The following CCNI variants were observed in gnomAD, a reference collection of about 807,000 sequenced individuals.
The protein encoded by CCNI is cyclin-I.
In CCNI, 14 loss-of-function variants were observed where a neutral mutation model predicts 34.1. The ratio of observed to expected loss-of-function variants is 0.41; its 90% CI spans 0.27 to 0.64. The LOEUF is 0.64. Among genes scored for constraint, CCNI ranks in the 30% least tolerant of loss-of-function variants. CCNI has a pLI of 0.31. For missense variants in CCNI, 385 were observed against 440.5 expected (o/e 0.87, Z 1.13); for synonymous variants, 154 against 158.4 (o/e 0.97, Z 0.21).
intron 2 of CCNI, among the ~76,000 whole-genome samples, chr4:77,059,108 T>TA (rs1008821067): frequency 6.6e-6 from 1 of 151,894 alleles, no homozygotes; most frequent in African/African-American, 2.4e-5. Flanking sequence ...TCAATAGTAA[T>TA]AAGTAAAAGA....
Position 77,075,734 on chromosome 4 carries a change from T to A in CCNI, c.-306A>T. 1 of 208,996 alleles carries A rather than the reference T, an allele frequency of 4.8e-6. No individual in the cohort carries two copies. The highest frequency in any genetic ancestry group is 8.3e-6 in the Non-Finnish European group (1 of 120,558). 12.9% of individuals were successfully genotyped at this position (208,996 alleles called of 1,614,324 possible). ...ATTAGTTCCATGATGACCCCCGGCC[T>A]GAGGCCGCCGCCGCTCGAGCCCGGG... is the stretch of plus-strand genomic sequence containing the variant. On this transcript the variant is annotated 5_prime_UTR_variant, in exon 1 of 7. Transcript: ENST00000237654.
At chr4:77,072,426 CA>C (rs2109852578) in intron 1 of CCNI, among the ~76,000 whole-genome samples, 1 of 100,622 alleles carries the variant, frequency 9.9e-6, no homozygotes, top group South Asian at 3.5e-4. Flanking sequence ...CCAGCCTGGA[CA>C]ACAGAGCGAG....
rs1727769280 is a variant in CCNI, at chr4:77,050,755, A to T, written c.691-2093T>A. ...CTAGGTCTTATTATATATCCCAGGG[A>T]TGTAGAACAAGCTGAAACATGCTAA... is the stretch of plus-strand genomic sequence containing the variant. On this transcript the variant is annotated intron_variant, in intron 6 of 6. Coordinates refer to ENST00000237654, the MANE Select transcript of CCNI (RefSeq NM_006835.3). Among the ~76,000 whole-genome samples, 3 of 152,058 alleles carry T rather than the reference A, an allele frequency of 2.0e-5. No homozygotes were observed. The South Asian group carries it at 6.2e-4, about 32-fold the overall frequency.
At chr4:77,072,293 A>C (rs894769758) in intron 1 of CCNI, among the ~76,000 whole-genome samples, 1 of 151,960 alleles carries the variant, frequency 6.6e-6, no homozygotes, top group Non-Finnish European at 1.5e-5. Context: ...AGAAAAAGTA[A>C]AACGAGGTAA....
chr4:77,066,072 G>T, intron 2 of CCNI, 177 bp downstream of exon 2: 1 of 564,506 alleles, frequency 1.8e-6, no homozygotes. Flanking sequence ...CAGCACTCCA[G>T]ACTGGATGAC....
At position 77,048,506 on chromosome 4, in the gene CCNI, A is replaced by T. The variant is rs769401123; in HGVS notation, c.847T>A (p.Ser283Thr). ...TTGGAGAAGTCTGGGCCTGGGACAG[A>T]GGAGGGATGTAATCTGAACACTCCT... Reference protein sequence around the residue: ...DKGVFRLHPSSVPGPDFSKDN... With the variant: ...DKGVFRLHPSTVPGPDFSKDN... Residue 283 changes from serine to threonine, a missense_variant, in exon 7 of 7, where the codon TCT (serine) becomes ACT (threonine). Physicochemically the swap from Ser to Thr is moderately conservative, Grantham distance 58 (BLOSUM62 1). This residue lies in a region of CCNI where 250 missense variants were observed against 248.7 expected (regional missense o/e 1.01). Coordinates refer to ENST00000237654, the MANE Select transcript of CCNI (RefSeq NM_006835.3). 1 of 1,614,060 alleles carries T rather than the reference A, an allele frequency of 6.2e-7. No individual in the cohort carries two copies. Among genetic ancestry groups the T allele is most frequent in the Non-Finnish European group, 8.5e-7 (1 of 1,179,988 alleles).
At chr4:77,071,179 C>T (rs1026054347) in intron 1 of CCNI, among the ~76,000 whole-genome samples, 2 of 152,156 alleles carry the variant, frequency 1.3e-5, no homozygotes, top group Non-Finnish European at 2.9e-5. Context: ...CAATGGATTC[C>T]CGTTCTCCAA....
chr4:77,063,386 A>G (rs1728759232), intron 2 of CCNI, among the ~76,000 whole-genome samples: 3 of 150,246 alleles, frequency 2.0e-5, no homozygotes, highest in Non-Finnish European at 4.4e-5. Context: ...CCCTTAGAGG[A>G]AAATAAGAGT....
At chr4:77,072,906 AAAGAC>A (rs1560787565) in intron 1 of CCNI, among the ~76,000 whole-genome samples, 1 of 152,224 alleles carries the variant, frequency 6.6e-6, no homozygotes, top group Admixed American at 6.5e-5. Flanking sequence ...TAAAAGAACA[AAAGAC>A]AAGACTAGTA....
chr4:77,054,978 GA>G (rs1231174061), intron 6 of CCNI, among the ~76,000 whole-genome samples, 171 bp downstream of exon 6: 8 of 152,040 alleles, frequency 5.3e-5, no homozygotes, highest in Non-Finnish European at 1.2e-4. Flanking sequence ...AGTTTTATAT[GA>G]AAAAAAGAGA....
At chr4:77,060,303 G>A (rs1442871962) in intron 2 of CCNI, among the ~76,000 whole-genome samples, 1 of 152,060 alleles carries the variant, frequency 6.6e-6, no homozygotes, top group Non-Finnish European at 1.5e-5. Context: ...GAATGCAAAC[G>A]TACTCAAATA....
In CCNI at chr4:77,053,510, A is replaced by AT. The variant is rs1300714452; in HGVS notation, c.690+1639dup. Among the ~76,000 whole-genome samples, 7 of 152,304 alleles carry AT rather than the reference A, an allele frequency of 4.6e-5. No individual in the cohort carries two copies. The South Asian group carries it at 1.5e-3, about 32-fold the overall frequency. Reference sequence around the variant, plus strand: ...CAGAAAACTTACAAAAGAGTATCAGATTTTCCAGTGTTTTTCACTAGGAAA... The same window carrying AT: ...CAGAAAACTTACAAAAGAGTATCAGATTTTTCCAGTGTTTTTCACTAGGAAA... On this transcript the variant is annotated intron_variant, in intron 6 of 6. Transcript: ENST00000237654.
chr4:77,048,698 A>C, intron 6 of CCNI, 36 bp from the exon 7 acceptor site: 1 of 1,459,480 alleles, frequency 6.9e-7, no homozygotes. Context: ...CACACAGTTG[A>C]TCATTAATTA....
At chr4:77,058,689 G>GT (rs752936210) in intron 2 of CCNI, 54 bp from the exon 3 acceptor site, 19 of 1,516,046 alleles carry the variant, frequency 1.3e-5, no homozygotes, top group Non-Finnish European at 1.5e-5. Context: ...ATCATCAAGA[G>GT]TATGTTTAGA....
intron 2 of CCNI, among the ~76,000 whole-genome samples, chr4:77,063,550 C>G (rs1296238665): frequency 1.3e-5 from 2 of 151,884 alleles, no homozygotes; most frequent in East Asian, 3.9e-4. Context: ...ATTAGCCGGG[C>G]GTTGTGGCGG....
rs1482038409 is a variant in CCNI, at chr4:77,075,673, G to C, written c.-245C>G. The C allele has an allele frequency of 3.4e-6, 2 of 587,522 alleles. No homozygotes were observed. Among genetic ancestry groups the C allele is most frequent in the Admixed American group, 6.3e-5 (1 of 15,782 alleles). 36.4% of individuals were successfully genotyped at this position (587,522 alleles called of 1,614,324 possible). ...CGGGCGCGGGCGCTGGCGCTCGAGC[G>C]GGACGCACGGCTGCGGCCGCTGGGT... On this transcript the variant is annotated 5_prime_UTR_variant, in exon 1 of 7. Transcript: ENST00000237654.
intron 2 of CCNI, among the ~76,000 whole-genome samples, chr4:77,060,124 G>C (rs1170397426): frequency 4.0e-5 from 6 of 151,778 alleles, no homozygotes; most frequent in Admixed American, 3.9e-4. Context: ...CTGAATGACA[G>C]ATTACATTAA....
rs1279671349 is a variant in CCNI at position 77,075,956 on chromosome 4, C to A, written c.-528G>T. The A allele has an allele frequency of 6.6e-6, 1 of 151,272 alleles. No individual in the cohort carries two copies. Among genetic ancestry groups the A allele is most frequent in the African/African-American group, 2.4e-5 (1 of 41,184 alleles). The allele number at this position is 151,272 out of a possible 1,614,324, so 9.4% of individuals were successfully genotyped here. A position where few individuals can be genotyped will look rare whatever the true frequency, so the allele number is the denominator to read the frequency against. On this transcript the variant is annotated 5_prime_UTR_variant, in exon 1 of 7. Transcript: ENST00000237654. ...AAGAAAAAGCGAGACAGAGGCGCTG[C>A]CGCGTCCGCTCGCGGGGAAGGCTGG...
chr4:77,069,353 C>A (rs1729284952), intron 1 of CCNI, among the ~76,000 whole-genome samples: 1 of 152,074 alleles, frequency 6.6e-6, no homozygotes, highest in African/African-American at 2.4e-5. Context: ...CCACTGCACT[C>A]CAGCCCCAGC....
Sources: allele counts gnomAD v4.1 joint callset (sites outside exome capture counted in the v4.1 genomes callset), GRCh38; gene constraint gnomAD v4.1.1; regional missense constraint gnomAD v4.1.1; transcripts MANE v1.5; gene names NCBI Gene and HGNC (gene_info 2026-07-23, HGNC 2026-07-21).